UGT8: variants seen among roughly 807,000 people sequenced by gnomAD.
The protein encoded by UGT8 is UDP glycosyltransferase 8.
In UGT8, 12 loss-of-function variants were observed where a neutral mutation model predicts 40.5. The observed-to-expected ratio is 0.30, with a 90% CI of 0.19 to 0.48. The LOEUF is 0.48. Ranked by LOEUF, UGT8 falls within the 20% of genes least tolerant of loss-of-function variation. The pLI is 0.99. For synonymous variants in UGT8, 224 were observed against 240.4 expected (o/e 0.93, Z 0.63); for missense variants, 513 against 648.7 (o/e 0.79, Z 2.27).
At chr4:114,615,386 C>T (rs1213290843) in intron 1 of UGT8, among the ~76,000 whole-genome samples, 1 of 152,074 alleles carries the variant, frequency 6.6e-6, no homozygotes, top group Non-Finnish European at 1.5e-5. Context: ...ATAGGGTGAC[C>T]AGCTCGTCCC....
chr4:114,622,920 G>A lies in UGT8; in HGVS notation c.40G>A (p.Ala14Thr), dbSNP rs551137363. 6 of 1,613,968 alleles carry A rather than the reference G, an allele frequency of 3.7e-6. No individual in the cohort carries two copies. In the South Asian group the frequency reaches 5.5e-5, roughly 15 times the overall value. ...TCCATATTTCATTCTCCTGTGGAGTGCTGTTGGGATAGCGAAGGCTGCCAA... is the reference window on the plus strand; with the variant it reads ...TCCATATTTCATTCTCCTGTGGAGTACTGTTGGGATAGCGAAGGCTGCCAA... ...YTPYFILLWS[A>T]VGIAKAAKII... The change falls in exon 2 of 6, where the codon GCT becomes ACT. Residue 14 changes from alanine (A) to threonine (T), a missense_variant. Coordinates refer to ENST00000310836, the MANE Select transcript of UGT8 (RefSeq NM_001128174.3).
At chr4:114,607,365 C>A (rs1730797449) in intron 1 of UGT8, among the ~76,000 whole-genome samples, 1 of 152,164 alleles carries the variant, frequency 6.6e-6, no homozygotes, top group African/African-American at 2.4e-5. Flanking sequence ...TTTCTGTAGT[C>A]CTCAGTAATC....
Position 114,676,062 on chromosome 4 carries a change from T to C in UGT8, c.1400T>C (p.Ile467Thr). 6.2e-7 allele frequency: 1 copy of C among 1,614,212 alleles called. No homozygotes were observed. ...CACCTACGTGCCGCTGTCCATCAGA[T>C]CTCCTTTTGTCAGTATTTTTTACTG... ...AHHLRAAVHQISFCQYFLLDI... is the reference protein window; with the variant it reads ...AHHLRAAVHQTSFCQYFLLDI... The change falls in exon 6 of 6, where the codon ATC becomes ACC. Residue 467 changes from isoleucine to threonine, a missense_variant. Physicochemically the swap from Ile to Thr is moderately conservative, Grantham distance 89 (BLOSUM62 -1). Transcript: ENST00000310836.
chr4:114,608,995 C>T (rs1730890448), intron 1 of UGT8, among the ~76,000 whole-genome samples: 1 of 152,156 alleles, frequency 6.6e-6, no homozygotes, highest in South Asian at 2.1e-4. Context: ...GTGCCTATTT[C>T]CTCCTTTGAT....
intron 4 of UGT8, among the ~76,000 whole-genome samples, chr4:114,666,937 G>A (rs1049796533): frequency 2.6e-5 from 4 of 152,042 alleles, no homozygotes; most frequent in African/African-American, 9.7e-5. Context: ...TGAGAAGTAG[G>A]AACCAAATCA....
chr4:114,615,447 G>A (rs1157145541), intron 1 of UGT8, among the ~76,000 whole-genome samples: 1 of 152,088 alleles, frequency 6.6e-6, no homozygotes, highest in Non-Finnish European at 1.5e-5. Flanking sequence ...CACATCCTGG[G>A]AAACTTCCCC....
At chr4:114,664,775 T>G (rs548164270) in intron 3 of UGT8, among the ~76,000 whole-genome samples, 1 of 152,276 alleles carries the variant, frequency 6.6e-6, no homozygotes, top group South Asian at 2.1e-4. Context: ...TTATTTAGCG[T>G]GTATTTATTG....
chr4:114,613,567 G>A (rs1731215492), intron 1 of UGT8, among the ~76,000 whole-genome samples: 1 of 152,104 alleles, frequency 6.6e-6, no homozygotes, highest in Non-Finnish European at 1.5e-5. Context: ...GGAATCTGGG[G>A]CTATGTGCAT....
intron 1 of UGT8, among the ~76,000 whole-genome samples, chr4:114,601,015 C>CT (rs1324435282): frequency 3.3e-5 from 5 of 152,128 alleles, no homozygotes; most frequent in Non-Finnish European, 7.4e-5. Context: ...GCTTGATACT[C>CT]TATTAGGAGG....
Position 114,668,313 on chromosome 4 carries a change from T to C in UGT8, c.1262+9T>C. The stretch of plus-strand genomic sequence containing the variant: ...GTTATCAATAATCCCAGGTAAGGTT[T>C]CAATTAACATTAAAGCTGATGAACT... On this transcript the variant is annotated intron_variant, in intron 5 of 5. Transcript: ENST00000310836. 1 of 1,611,306 alleles carries C rather than the reference T, an allele frequency of 6.2e-7. No individual in the cohort carries two copies. The highest frequency in any genetic ancestry group is 8.5e-7 in the Non-Finnish European group (1 of 1,177,754).
Position 114,678,021 on chromosome 4 carries a change from A to G in UGT8, c.*1733A>G, listed in dbSNP as rs1277039140. 2.6e-5 allele frequency: 4 copies of G among 152,220 alleles called. No homozygotes were observed. The highest frequency in any genetic ancestry group is 9.6e-5 in the African/African-American group (4 of 41,462). The allele number at this position is 152,220 out of a possible 1,614,324, so 9.4% of individuals were successfully genotyped here. A position where few individuals can be genotyped will look rare whatever the true frequency, so the allele number is the denominator to read the frequency against. ...AACTTATTAGTTATACCTTTTCACAATCTTATTACGATGTTGCCGTTAAAA... is the reference window on the plus strand; with the variant it reads ...AACTTATTAGTTATACCTTTTCACAGTCTTATTACGATGTTGCCGTTAAAA... On this transcript the variant is annotated 3_prime_UTR_variant, in exon 6 of 6. Transcript: ENST00000310836.
chr4:114,634,136 G>A (rs1732746449), intron 2 of UGT8, among the ~76,000 whole-genome samples: 1 of 152,144 alleles, frequency 6.6e-6, no homozygotes, highest in Non-Finnish European at 1.5e-5. Context: ...TTGAGTGATG[G>A]GCGGTTCTAA....
At chr4:114,653,624 A>T (rs561877457) in intron 2 of UGT8, among the ~76,000 whole-genome samples, 1 of 152,196 alleles carries the variant, frequency 6.6e-6, no homozygotes, top group East Asian at 1.9e-4. Flanking sequence ...ATTGGTTTGG[A>T]AATGTTGGTG....
chr4:114,611,047 C>A (rs1339124407), intron 1 of UGT8, among the ~76,000 whole-genome samples: 1 of 152,054 alleles, frequency 6.6e-6, no homozygotes, highest in Non-Finnish European at 1.5e-5. Flanking sequence ...AAAGTTTGAT[C>A]TGGATATTCT....
chr4:114,599,387 G>A (rs1730297324), intron 1 of UGT8, among the ~76,000 whole-genome samples: 2 of 152,184 alleles, frequency 1.3e-5, no homozygotes, highest in East Asian at 3.9e-4. Flanking sequence ...AGAGGCCAGA[G>A]CCAGCTGCCA....
At chr4:114,607,453 C>G (rs932689298) in intron 1 of UGT8, among the ~76,000 whole-genome samples, 1 of 152,164 alleles carries the variant, frequency 6.6e-6, no homozygotes, top group African/African-American at 2.4e-5. Context: ...AACTCCCCAT[C>G]TGATCTTTGG....
intron 2 of UGT8, among the ~76,000 whole-genome samples, chr4:114,641,388 A>G (rs1733213798): frequency 6.6e-6 from 1 of 152,188 alleles, no homozygotes; most frequent in South Asian, 2.1e-4. Context: ...ATTAAATTTG[A>G]GTTTGGTAAC....
intron 2 of UGT8, among the ~76,000 whole-genome samples, chr4:114,660,791 T>C (rs1286785670): frequency 6.7e-6 from 1 of 150,224 alleles, no homozygotes; most frequent in Non-Finnish European, 1.5e-5. Context: ...CTCGGGAGGC[T>C]GAGCCAGGAG....
chr4:114,664,172 G>T (rs199532800), intron 3 of UGT8, 35 bp downstream of exon 3: 1 of 1,607,140 alleles, frequency 6.2e-7, no homozygotes, highest in South Asian at 1.1e-5. Flanking sequence ...CTTTGCTATT[G>T]ACAATCAATA....
Sources: allele counts gnomAD v4.1 joint callset (sites outside exome capture counted in the v4.1 genomes callset), GRCh38; gene constraint gnomAD v4.1.1; transcripts MANE v1.5; gene names NCBI Gene and HGNC (gene_info 2026-07-23, HGNC 2026-07-21).